The following WDR88 variants were observed in gnomAD, a reference collection of about 807,000 sequenced individuals.
WDR88 encodes WD repeat-containing protein 88.
Under a neutral mutation model 46.8 loss-of-function variants are expected in WDR88, and 40 were observed. The ratio of observed to expected loss-of-function variants is 0.86; its 90% CI spans 0.66 to 1.11. The LOEUF is 1.11. Ranked by LOEUF, WDR88 falls within the 50% of genes most tolerant of loss-of-function variation. The pLI is 0.00. For missense variants in WDR88, 562 were observed against 602.4 expected, an observed-to-expected ratio of 0.93 and a Z score of 0.70; for synonymous variants, 235 against 240.7, an observed-to-expected ratio of 0.98 and a Z score of 0.22.
chr19:33,158,762 C>T (rs1229146044), intron 7 of WDR88, among the ~76,000 whole-genome samples: 2 of 152,270 alleles, frequency 1.3e-5, no homozygotes, highest in South Asian at 2.1e-4. Flanking sequence ...CGCAGTTGCG[C>T]GATCTTGGCT....
At chr19:33,150,959 C>T (rs1052506797) in intron 5 of WDR88, among the ~76,000 whole-genome samples, 1 of 152,250 alleles carries the variant, frequency 6.6e-6, no homozygotes, top group African/African-American at 2.4e-5. Context: ...GGGGTGTCTC[C>T]TCCATCAGAC....
rs1313858280 is a variant in WDR88, at chr19:33,151,288, G to T, written c.787G>T (p.Ala263Ser). ...CIKIWDVTSQ[A>S]TLLTITKAHS... The stretch of plus-strand genomic sequence containing the variant: ...CAAGATCTGGGATGTTACATCCCAG[G>T]CCACGCTGCTCACCATCACTAAGTG... The change falls in exon 6 of 11, where the codon GCC (alanine) becomes TCC (serine). Residue 263 changes from alanine to serine, a missense_variant. Coordinates refer to ENST00000355868, the MANE Select transcript of WDR88 (RefSeq NM_173479.4). 1 of 1,612,844 alleles carries T rather than the reference G, an allele frequency of 6.2e-7. No individual in the cohort carries two copies. Among genetic ancestry groups the T allele is most frequent in the Non-Finnish European group, 8.5e-7 (1 of 1,179,498 alleles).
At chr19:33,150,734 A>G (rs1188982979) in intron 5 of WDR88, among the ~76,000 whole-genome samples, 1 of 152,038 alleles carries the variant, frequency 6.6e-6, no homozygotes, top group African/African-American at 2.4e-5. Flanking sequence ...CATGCTTCAG[A>G]CTCCAGCTTT....
chr19:33,162,380 A>T (rs79478827), intron 8 of WDR88, among the ~76,000 whole-genome samples: 6,336 of 150,110 alleles, frequency 0.042, 178 homozygotes, highest in African/African-American at 0.084. Context: ...TTTTTTTTTT[A>T]AATTTTTATT....
Position 33,137,690 on chromosome 19 carries a change from TTC to T in WDR88, c.292_293del (p.Leu98GlufsTer16). 6.2e-7 allele frequency: 1 copy of T among 1,613,944 alleles called. No homozygotes were observed. On this transcript the variant is annotated frameshift_variant, in exon 2 of 11. Coordinates refer to ENST00000355868, the MANE Select transcript of WDR88 (RefSeq NM_173479.4). LOFTEE classifies it high-confidence loss of function. ...TCCTTTTTTCAGATCCCATTTAAAATTCTGAGTGGGCACGAGCACGCTGTGAG... is the reference window on the plus strand; with the variant it reads ...TCCTTTTTTCAGATCCCATTTAAAATTGAGTGGGCACGAGCACGCTGTGAG...
rs530894741 is a variant in WDR88 at position 33,173,882 on chromosome 19, G to A, written c.1242+1442G>A. Among the ~76,000 whole-genome samples, 6 of 152,252 alleles carry A rather than the reference G, an allele frequency of 3.9e-5. No individual in the cohort carries two copies. The East Asian group carries it at 9.7e-4, about 24-fold the overall frequency. ...TATTTCTTTTTTGAGATGGAGTCTC[G>A]CTCTGTCGCCCAGGCTGGAGTGCAG... On this transcript the variant is annotated intron_variant, in intron 10 of 10. Coordinates refer to ENST00000355868, the MANE Select transcript of WDR88 (RefSeq NM_173479.4).
chr19:33,161,577 G>T (rs949646590), intron 8 of WDR88, among the ~76,000 whole-genome samples: 4 of 152,150 alleles, frequency 2.6e-5, no homozygotes, highest in African/African-American at 9.7e-5. Context: ...TGGTCTATCT[G>T]AGCTGTCTTC....
chr19:33,148,758 C>T lies in WDR88; in HGVS notation c.541-14C>T. 1.2e-6 allele frequency: 2 copies of T among 1,614,018 alleles called. No individual in the cohort carries two copies. Among genetic ancestry groups the T allele is most frequent in the South Asian group, 1.1e-5 (1 of 91,072 alleles). Reference sequence around the variant, plus strand: ...CTGGCTTAAAACAACCTTTTGATTGCTGGCTCATTTCAGTGGAAGGTCAGG... The same window carrying T: ...CTGGCTTAAAACAACCTTTTGATTGTTGGCTCATTTCAGTGGAAGGTCAGG... On this transcript the variant is annotated splice_polypyrimidine_tract_variant and intron_variant, in intron 4 of 10. Transcript: ENST00000355868.
intron 2 of WDR88, 33 bp downstream of exon 2, chr19:33,137,820 G>A (rs747479190): frequency 1.2e-5 from 19 of 1,589,666 alleles, no homozygotes; most frequent in Non-Finnish European, 1.3e-5. Context: ...CTCCTGGAGC[G>A]AAAACCTTTC....
Position 33,175,658 on chromosome 19 carries a change from C to T in WDR88, c.*86C>T, listed in dbSNP as rs1044996273. On this transcript the variant is annotated 3_prime_UTR_variant, in exon 11 of 11. Transcript: ENST00000355868. ...TTTGCAGGGGCTTTCTCTTGGGCCC[C>T]TCCCAGGCTCAGCAGGCCTGTCAGA... 9.8e-6 allele frequency: 15 copies of T among 1,531,648 alleles called. No homozygotes were observed. The African/African-American group carries it at 1.8e-4, about 18-fold the overall frequency. 94.9% of individuals were successfully genotyped at this position (1,531,648 alleles called of 1,614,324 possible).
intron 1 of WDR88, among the ~76,000 whole-genome samples, chr19:33,133,322 C>T (rs915413912): frequency 1.3e-5 from 2 of 151,828 alleles, no homozygotes; most frequent in African/African-American, 4.8e-5. Context: ...CCGAGATGAG[C>T]AGATCACTTG....
At chr19:33,136,470 C>A (rs1228815905) in intron 1 of WDR88, among the ~76,000 whole-genome samples, 1 of 151,562 alleles carries the variant, frequency 6.6e-6, no homozygotes, top group African/African-American at 2.4e-5. Flanking sequence ...GGATTACAGG[C>A]ATGAGCCACC....
chr19:33,142,182 A>G (rs962102724), intron 2 of WDR88, among the ~76,000 whole-genome samples: 5 of 151,994 alleles, frequency 3.3e-5, no homozygotes, highest in African/African-American at 1.2e-4. Context: ...GGTGGGAGCC[A>G]CAGCTGAGGG....
At chr19:33,157,621 A>ATG (rs1973769893) in intron 7 of WDR88, among the ~76,000 whole-genome samples, 4 of 144,490 alleles carry the variant, frequency 2.8e-5, no homozygotes, top group African/African-American at 5.1e-5. Flanking sequence ...ATGTGTATAT[A>ATG]TATATGTATG....
In WDR88 at chr19:33,146,809, T is replaced by C. The variant is rs573870809; in HGVS notation, c.477-836T>C. Among the ~76,000 whole-genome samples, 19 of 152,282 alleles carry C rather than the reference T, an allele frequency of 1.2e-4. No homozygotes were observed. The South Asian group carries it at 3.9e-3, about 32-fold the overall frequency. On this transcript the variant is annotated intron_variant, in intron 3 of 10. Coordinates refer to ENST00000355868, the MANE Select transcript of WDR88 (RefSeq NM_173479.4). ...TTGGGATTACAGGCATGAGCCACCG[T>C]GCTTGGCTGGTTCTCTCTAGTTTCA...
chr19:33,173,810 G>A (rs775471415), intron 10 of WDR88, among the ~76,000 whole-genome samples: 1 of 152,240 alleles, frequency 6.6e-6, no homozygotes, highest in Non-Finnish European at 1.5e-5. Context: ...TGGGATGTAG[G>A]AATGTAGGAT....
At chr19:33,140,394 A>G (rs1450420133) in intron 2 of WDR88, among the ~76,000 whole-genome samples, 2 of 152,166 alleles carry the variant, frequency 1.3e-5, no homozygotes, top group Non-Finnish European at 2.9e-5. Context: ...TCTTGGCCTC[A>G]AGCAATCCTC....
chr19:33,132,542 C>T, intron 1 of WDR88, 97 bp downstream of exon 1: 2 of 1,520,756 alleles, frequency 1.3e-6, no homozygotes, highest in Admixed American at 2.0e-5. Flanking sequence ...ACCCACCTGG[C>T]TTCACCAGGA....
chr19:33,169,263 T>G (rs1973999150), intron 9 of WDR88, among the ~76,000 whole-genome samples: 1 of 152,148 alleles, frequency 6.6e-6, no homozygotes, highest in Admixed American at 6.6e-5. Context: ...AATTAAGAAC[T>G]TTTGTGCATC....
Sources: allele counts gnomAD v4.1 joint callset (sites outside exome capture counted in the v4.1 genomes callset), GRCh38; gene constraint gnomAD v4.1.1; transcripts MANE v1.5; gene names NCBI Gene and HGNC (gene_info 2026-07-23, HGNC 2026-07-21).